The following DLG2 variants were observed in gnomAD, a reference collection of about 807,000 sequenced individuals.
The protein encoded by DLG2 is disks large homolog 2.
DLG2 carries 45 observed loss-of-function variants against 132.5 expected under a neutral mutation model. The observed-to-expected ratio is 0.34, with a 90% CI of 0.27 to 0.44. The LOEUF is 0.44. Ranked by LOEUF, DLG2 falls within the 20% of genes least tolerant of loss-of-function variation. The probability of loss-of-function intolerance (pLI) is 1.00; values close to 1 mark genes in which losing one functional copy is unlikely to be tolerated. For missense variants in DLG2, 1,045 were observed against 1,196.9 expected (o/e 0.87, Z 1.87); for synonymous variants, 424 against 419.6 (o/e 1.01, Z -0.13).
intron 3 of DLG2, among the ~76,000 whole-genome samples, chr11:85,572,165 A>G (rs1378635083): frequency 2.0e-5 from 3 of 152,124 alleles, no homozygotes; most frequent in South Asian, 2.1e-4. Flanking sequence ...ATTTGCTTTT[A>G]TGGAGGGGTG....
At chr11:84,800,721 G>T (rs1470013264) in intron 6 of DLG2, 1 of 152,062 alleles carries the variant, frequency 6.6e-6, no homozygotes, top group African/African-American at 2.4e-5. Context: ...CTAATTTATG[G>T]TTTCCTTCTC....
chr11:84,582,566 A>G (rs888692370), intron 6 of DLG2, among the ~76,000 whole-genome samples: 5 of 150,486 alleles, frequency 3.3e-5, no homozygotes, highest in Non-Finnish European at 1.5e-5. Flanking sequence ...AATAATAATA[A>G]TAATACTATA....
At chr11:84,478,425 A>G (rs2099127602) in intron 7 of DLG2, among the ~76,000 whole-genome samples, 1 of 152,126 alleles carries the variant, frequency 6.6e-6, no homozygotes, top group Non-Finnish European at 1.5e-5. Context: ...AAATGTATCC[A>G]TCAATTTCAT....
intron 18 of DLG2, chr11:83,643,632 C>T (rs2067238100): frequency 6.6e-6 from 1 of 152,148 alleles, no homozygotes; most frequent in Admixed American, 6.6e-5. Flanking sequence ...TAAGTTTCCT[C>T]TTTGCCTGAC....
intron 21 of DLG2, among the ~76,000 whole-genome samples, chr11:83,507,798 A>ATATATG (rs2094808083): frequency 9.5e-6 from 1 of 105,776 alleles, no homozygotes; most frequent in Non-Finnish European, 2.0e-5. Flanking sequence ...ATATATATAT[A>ATATATG]TGTATATATG....
chr11:84,808,320 G>T (rs2076217842), intron 6 of DLG2, among the ~76,000 whole-genome samples: 2 of 152,000 alleles, frequency 1.3e-5, no homozygotes, highest in South Asian at 4.1e-4. Context: ...ACATTTATGG[G>T]ACACAGTTAA....
chr11:83,718,202 T>C (rs1410745895), intron 18 of DLG2, among the ~76,000 whole-genome samples: 1 of 152,116 alleles, frequency 6.6e-6, no homozygotes, highest in Non-Finnish European at 1.5e-5. Context: ...TAGAGACGGC[T>C]TCTCAGAGCA....
chr11:85,122,972 T>TATATATATATA (rs58442462), intron 5 of DLG2, among the ~76,000 whole-genome samples: 148 of 67,176 alleles, frequency 2.2e-3, no homozygotes, highest in African/African-American at 7.1e-3. Context: ...TATATATATT[T>TATATATATATA]TTTTTTTTTT....
At chr11:85,170,490 G>C (rs1031699401) in intron 4 of DLG2, among the ~76,000 whole-genome samples, 7 of 152,082 alleles carry the variant, frequency 4.6e-5, no homozygotes, top group Admixed American at 3.9e-4. Context: ...AAAAATAGTG[G>C]GGAAAGGTGA....
At chr11:83,534,241 T>G (rs901227585) in intron 20 of DLG2, among the ~76,000 whole-genome samples, 3 of 152,226 alleles carry the variant, frequency 2.0e-5, no homozygotes, top group African/African-American at 7.2e-5. Flanking sequence ...TGTATGTACC[T>G]TAAGGTAAAA....
chr11:84,908,348 G>T (rs922659074), intron 6 of DLG2, among the ~76,000 whole-genome samples: 2 of 152,064 alleles, frequency 1.3e-5, no homozygotes, highest in African/African-American at 4.8e-5. Flanking sequence ...AATTCAATGT[G>T]TTTTTTACAC....
intron 18 of DLG2, among the ~76,000 whole-genome samples, chr11:83,689,058 T>C (rs746534642): frequency 1.3e-5 from 2 of 151,910 alleles, no homozygotes; most frequent in African/African-American, 2.4e-5. Context: ...GTCCAGGGAG[T>C]AATAAATTTA....
chr11:83,990,934 C>T (rs966835210), intron 11 of DLG2, among the ~76,000 whole-genome samples: 1 of 151,984 alleles, frequency 6.6e-6, no homozygotes. Flanking sequence ...GAGAAAACAC[C>T]CACCCTCACA....
chr11:85,498,178 G>C (rs2093712384), intron 3 of DLG2, among the ~76,000 whole-genome samples: 1 of 152,148 alleles, frequency 6.6e-6, no homozygotes, highest in Non-Finnish European at 1.5e-5. Flanking sequence ...CTATATTCAG[G>C]AGACTCATCT....
At chr11:84,704,675 G>A (rs1461688401) in intron 6 of DLG2, among the ~76,000 whole-genome samples, 1 of 151,260 alleles carries the variant, frequency 6.6e-6, no homozygotes, top group Admixed American at 6.6e-5. Context: ...ATGAAAATAT[G>A]AATAATTTTA....
intron 3 of DLG2, among the ~76,000 whole-genome samples, chr11:85,516,086 TATC>T (rs2094163386): frequency 6.6e-6 from 1 of 151,956 alleles, no homozygotes; most frequent in Non-Finnish European, 1.5e-5. Context: ...AAATCTTAAT[TATC>T]ATATCAAGTC....
rs571163843 is a variant in DLG2 at position 83,629,018 on chromosome 11, T to A, written c.1940+4193A>T. 9.2e-5 allele frequency among the ~76,000 whole-genome samples: 14 copies of A among 152,314 alleles called. 1 individual carries two copies. The highest frequency in any genetic ancestry group is 3.4e-4 in the African/African-American group (14 of 41,572). ...TACTGGGTCAGGATAAATAATGTAC[T>A]TCTTACTTTGCTTCTAAATATTTGA... On this transcript the variant is annotated intron_variant, in intron 19 of 27. Transcript: ENST00000376104.
At chr11:85,324,807 C>T (rs1342478809) in intron 3 of DLG2, among the ~76,000 whole-genome samples, 1 of 151,936 alleles carries the variant, frequency 6.6e-6, no homozygotes, top group East Asian at 1.9e-4. Context: ...GTCTACAGCT[C>T]CCAGCGTGAG....
At chr11:83,576,719 T>A (rs1005786126) in intron 19 of DLG2, among the ~76,000 whole-genome samples, 11 of 152,170 alleles carry the variant, frequency 7.2e-5, no homozygotes, top group African/African-American at 2.2e-4. Context: ...TAAAGACTTT[T>A]TTCAAACATA....
Sources: allele counts gnomAD v4.1 joint callset (sites outside exome capture counted in the v4.1 genomes callset), GRCh38; gene constraint gnomAD v4.1.1; transcripts MANE v1.5; gene names NCBI Gene and HGNC (gene_info 2026-07-23, HGNC 2026-07-21).